The following LRRIQ3 variants were observed in gnomAD, a reference collection of about 807,000 sequenced individuals.
LRRIQ3 encodes leucine rich repeats and IQ motif containing 3.
Under a neutral mutation model 59.3 loss-of-function variants are expected in LRRIQ3, and 75 were observed. That is an observed-to-expected ratio of 1.26 (90% CI 1.05 to 1.53). The LOEUF (loss-of-function observed/expected upper bound fraction) is 1.53. Among genes scored for constraint, LRRIQ3 ranks in the 40% most tolerant of loss-of-function variants. The pLI is 0.00. For missense variants in LRRIQ3, 831 were observed against 710.0 expected, an observed-to-expected ratio of 1.17 and a Z score of -1.94; for synonymous variants, 250 against 231.3, an observed-to-expected ratio of 1.08 and a Z score of -0.73.
intron 4 of LRRIQ3, among the ~76,000 whole-genome samples, chr1:74,118,584 C>T (rs1417577729): frequency 1.3e-5 from 2 of 152,002 alleles, no homozygotes; most frequent in Non-Finnish European, 2.9e-5. Flanking sequence ...CTCCCACACA[C>T]ACATTTTATT....
chr1:74,061,545 A>G (rs367588825), intron 6 of LRRIQ3, among the ~76,000 whole-genome samples: 1 of 152,108 alleles, frequency 6.6e-6, no homozygotes, highest in African/African-American at 2.4e-5. Context: ...AAACTATACT[A>G]CATTTGCAGA....
At chr1:74,124,629 T>C (rs563069172) in intron 4 of LRRIQ3, among the ~76,000 whole-genome samples, 59 of 152,124 alleles carry the variant, frequency 3.9e-4, no homozygotes, top group African/African-American at 1.4e-3. Context: ...CTTTCTCCAA[T>C]GCATGTTCTT....
intron 3 of LRRIQ3, among the ~76,000 whole-genome samples, chr1:74,172,954 T>C (rs1462757687): frequency 1.3e-5 from 2 of 152,192 alleles, no homozygotes; most frequent in Non-Finnish European, 2.9e-5. Context: ...TGTGAGGATT[T>C]AAATCCAAGG....
intron 5 of LRRIQ3, among the ~76,000 whole-genome samples, chr1:74,087,077 A>G (rs564213452): frequency 6.6e-6 from 1 of 152,112 alleles, no homozygotes. Context: ...TTGTTTACTC[A>G]AAGTATTTTG....
At chr1:74,138,502 A>G in intron 4 of LRRIQ3, 1 of 984,798 alleles carries the variant, frequency 1.0e-6, no homozygotes, top group Non-Finnish European at 1.2e-6. Context: ...GTCAAGTTGA[A>G]TGTCTGTTGT....
At chr1:74,172,292 A>T (rs1271173239) in intron 3 of LRRIQ3, among the ~76,000 whole-genome samples, 1 of 152,088 alleles carries the variant, frequency 6.6e-6, no homozygotes, top group East Asian at 1.9e-4. Context: ...GTTTTCACAA[A>T]TTTTAGTAAG....
At chr1:74,109,251 T>C (rs775917370) in intron 5 of LRRIQ3, 143 bp downstream of exon 5, 2 of 691,008 alleles carry the variant, frequency 2.9e-6, no homozygotes, top group Non-Finnish European at 4.9e-6. Context: ...ATAACTTTTT[T>C]CAATCAAAAA....
intron 6 of LRRIQ3, among the ~76,000 whole-genome samples, chr1:74,061,814 T>G (rs953228577): frequency 6.6e-6 from 1 of 152,096 alleles, no homozygotes; most frequent in Admixed American, 6.6e-5. Context: ...TCCGGTGAAT[T>G]GCTTGAGCTC....
chr1:74,187,016 A>T (rs1650434396), intron 1 of LRRIQ3, among the ~76,000 whole-genome samples: 1 of 152,108 alleles, frequency 6.6e-6, no homozygotes, highest in Admixed American at 6.6e-5. Flanking sequence ...AATGGCCATA[A>T]TTAAAAAGTC....
intron 4 of LRRIQ3, among the ~76,000 whole-genome samples, chr1:74,121,064 A>C (rs1376615079): frequency 6.6e-6 from 1 of 152,296 alleles, no homozygotes; most frequent in Non-Finnish European, 1.5e-5. Context: ...GGTATTTAAA[A>C]AACTTTTCCT....
At chr1:74,076,747 G>A (rs1230443366) in intron 5 of LRRIQ3, among the ~76,000 whole-genome samples, 3 of 151,984 alleles carry the variant, frequency 2.0e-5, no homozygotes, top group Non-Finnish European at 4.4e-5. Flanking sequence ...TCTCCAAGCA[G>A]TGACTCATAG....
intron 4 of LRRIQ3, among the ~76,000 whole-genome samples, chr1:74,150,585 C>T (rs918342332): frequency 2.2e-4 from 34 of 152,022 alleles, no homozygotes; most frequent in Admixed American, 2.0e-3. Context: ...AGACTTTTCT[C>T]GCTTCTGCTA....
chr1:74,049,517 C>T (rs1654299131), intron 6 of LRRIQ3, among the ~76,000 whole-genome samples: 1 of 151,998 alleles, frequency 6.6e-6, no homozygotes, highest in Admixed American at 6.6e-5. Flanking sequence ...TCAGAAGGGG[C>T]TGCTGATAAC....
intron 4 of LRRIQ3, among the ~76,000 whole-genome samples, chr1:74,141,848 TG>T (rs1328504944): frequency 6.6e-6 from 1 of 151,868 alleles, no homozygotes; most frequent in Non-Finnish European, 1.5e-5. Flanking sequence ...AAAAGATAAC[TG>T]GAGTATCAAC....
chr1:74,172,344 T>C (rs893866517), intron 3 of LRRIQ3, among the ~76,000 whole-genome samples: 1 of 152,190 alleles, frequency 6.6e-6, no homozygotes, highest in African/African-American at 2.4e-5. Context: ...TTCTTTTGAT[T>C]TCTCTTTTGA....
intron 4 of LRRIQ3, among the ~76,000 whole-genome samples, chr1:74,139,396 C>T (rs562485641): frequency 6.6e-6 from 1 of 151,860 alleles, no homozygotes; most frequent in East Asian, 1.9e-4. Flanking sequence ...TTTTTAGTGT[C>T]ATCCATCATA....
At chr1:74,128,489 G>A (rs185418833) in intron 4 of LRRIQ3, among the ~76,000 whole-genome samples, 18 of 152,074 alleles carry the variant, frequency 1.2e-4, no homozygotes, top group African/African-American at 4.3e-4. Flanking sequence ...TAGGATTCTG[G>A]ACTCCATCTC....
chr1:74,144,549 T>TAAAAAAAAAAAAA (rs5775227), intron 4 of LRRIQ3: 1 of 136,472 alleles, frequency 7.3e-6, no homozygotes, highest in Non-Finnish European at 1.5e-5. Flanking sequence ...TAACAGTCTG[T>TAAAAAAAAAAAAA]AAAAAAAAAA....
intron 7 of LRRIQ3, among the ~76,000 whole-genome samples, chr1:74,030,311 T>G (rs935415544): frequency 6.6e-6 from 1 of 152,154 alleles, no homozygotes; most frequent in Non-Finnish European, 1.5e-5. Context: ...AAGTCAATCC[T>G]AAGCCAAAAG....
Sources: allele counts gnomAD v4.1 joint callset (sites outside exome capture counted in the v4.1 genomes callset), GRCh38; gene constraint gnomAD v4.1.1; transcripts MANE v1.5; gene names NCBI Gene and HGNC (gene_info 2026-07-23, HGNC 2026-07-21).